CACNA1C: variants seen among roughly 807,000 people sequenced by gnomAD.
The protein encoded by CACNA1C is voltage-dependent L-type calcium channel subunit alpha-1C.
In CACNA1C, 30 loss-of-function variants were observed where a neutral mutation model predicts 229.0. The observed-to-expected ratio is 0.13, with a 90% CI of 0.10 to 0.18. CACNA1C has a LOEUF of 0.18. Among genes scored for constraint, CACNA1C ranks in the 10% least tolerant of loss-of-function variants. The pLI, the probability that CACNA1C is intolerant of heterozygous loss-of-function variation, is 1.00. For synonymous variants in CACNA1C, 1,114 were observed against 1,132.5 expected (o/e 0.98, Z 0.33); for missense variants, 1,658 against 2,845.0 (o/e 0.58, Z 9.49).
chr12:2,219,547 C>G (rs1336596826), intron 3 of CACNA1C, among the ~76,000 whole-genome samples: 1 of 152,178 alleles, frequency 6.6e-6, no homozygotes, highest in Non-Finnish European at 1.5e-5. Flanking sequence ...GGGACTGTGC[C>G]ACTCTTTCGG....
chr12:2,297,597 T>G (rs2094169178), intron 3 of CACNA1C, among the ~76,000 whole-genome samples: 1 of 152,222 alleles, frequency 6.6e-6, no homozygotes, highest in African/African-American at 2.4e-5. Context: ...CCACCACTGC[T>G]GAGCCCCACA....
chr12:2,663,121 A>G (rs911675003), intron 34 of CACNA1C, among the ~76,000 whole-genome samples: 1 of 152,220 alleles, frequency 6.6e-6, no homozygotes, highest in Admixed American at 6.5e-5. Flanking sequence ...AGAGGAAAAA[A>G]CTATAAATTT....
At chr12:2,350,602 G>A (rs2097176692) in intron 3 of CACNA1C, among the ~76,000 whole-genome samples, 1 of 152,212 alleles carries the variant, frequency 6.6e-6, no homozygotes, top group South Asian at 2.1e-4. Context: ...CGGGGCCATT[G>A]ATGCCCATGA....
chr12:2,141,020 C>T (rs925548238), intron 3 of CACNA1C, among the ~76,000 whole-genome samples: 1 of 150,944 alleles, frequency 6.6e-6, no homozygotes, highest in South Asian at 2.1e-4. Flanking sequence ...GGCACTGGGG[C>T]TGAGAGGTGG....
chr12:2,097,364 T>C (rs1014015535), intron 1 of CACNA1C, among the ~76,000 whole-genome samples: 4 of 152,004 alleles, frequency 2.6e-5, no homozygotes, highest in Non-Finnish European at 4.4e-5. Context: ...GCCAGGATAG[T>C]CTCGATCTCC....
chr12:2,570,849 G>T (rs900125850), intron 13 of CACNA1C, among the ~76,000 whole-genome samples: 1 of 152,178 alleles, frequency 6.6e-6, no homozygotes, highest in African/African-American at 2.4e-5. Flanking sequence ...AGACACCCAC[G>T]ATTAAAATCC....
chr12:2,531,715 C>T (rs1020920312), intron 9 of CACNA1C, among the ~76,000 whole-genome samples: 3 of 152,294 alleles, frequency 2.0e-5, no homozygotes, highest in Non-Finnish European at 2.9e-5. Context: ...ACTCTTTCCT[C>T]GGGGCCCACG....
rs786205741 is a variant in CACNA1C, at chr12:2,688,591, G to A, written c.5929G>A (p.Val1977Ile). The A allele has an allele frequency of 1.5e-5, 25 of 1,613,888 alleles. No homozygotes were observed. Among genetic ancestry groups the A allele is most frequent in the Non-Finnish European group, 2.0e-5 (24 of 1,179,914 alleles). ...CGTCCCCACCCTGCGGCTTGAGGGG[G>A]TCGAGTCCAGTGAGAAACTCAACAG... ...QPVPTLRLEG[V>I]ESSEKLNSSF... The change falls in exon 46 of 47, where the codon GTC becomes ATC. Residue 1977 changes from valine (V) to isoleucine (I), a missense_variant. By Grantham distance (29) the Val-to-Ile change is conservative. This residue lies in a region of CACNA1C where 590 missense variants were observed against 700.8 expected (regional missense o/e 0.84). Transcript: ENST00000399655.
chr12:2,201,762 G>A lies in CACNA1C; in HGVS notation c.477+81332G>A, dbSNP rs575848402. 2.6e-5 allele frequency among the ~76,000 whole-genome samples: 4 copies of A among 152,344 alleles called. No individual in the cohort carries two copies. The East Asian group carries it at 7.7e-4, about 29-fold the overall frequency. Reference sequence around the variant, plus strand: ...GAACAGGAAAGCGTGTCTTCCTTGAGTGAGGAACCCTCTCCAAGAACCCTC... The same window carrying A: ...GAACAGGAAAGCGTGTCTTCCTTGAATGAGGAACCCTCTCCAAGAACCCTC... On this transcript the variant is annotated intron_variant, in intron 3 of 46. Transcript: ENST00000399655.
chr12:2,640,405 C>T (rs2093525430), intron 30 of CACNA1C, among the ~76,000 whole-genome samples: 2 of 152,238 alleles, frequency 1.3e-5, no homozygotes, highest in East Asian at 3.9e-4. Context: ...CTTGACTTCT[C>T]TGTGTCGGTT....
intron 13 of CACNA1C, among the ~76,000 whole-genome samples, chr12:2,568,473 C>A (rs1482090973): frequency 6.6e-6 from 1 of 152,042 alleles, no homozygotes; most frequent in Admixed American, 6.5e-5. Context: ...GGTATATGCC[C>A]AAAATAATTG....
chr12:2,329,248 CT>C, intron 3 of CACNA1C, among the ~76,000 whole-genome samples: 1 of 152,156 alleles, frequency 6.6e-6, no homozygotes, highest in East Asian at 1.9e-4. Context: ...CTGTATGTAA[CT>C]TTGGAATGGT....
rs375602020 is a variant in CACNA1C, at chr12:2,449,445, C to A, written c.617+330C>A. On this transcript the variant is annotated intron_variant, in intron 4 of 46. Transcript: ENST00000399655. ...GGTTCCACCCTAGTGTGCACTCCTCCCAGTGCGCAGGCTGGCTGGAGTTTC... is the reference window on the plus strand; with the variant it reads ...GGTTCCACCCTAGTGTGCACTCCTCACAGTGCGCAGGCTGGCTGGAGTTTC... 3.3e-5 allele frequency among the ~76,000 whole-genome samples: 5 copies of A among 152,326 alleles called. No homozygotes were observed. The East Asian group carries it at 7.7e-4, about 24-fold the overall frequency.
chr12:2,363,664 C>G (rs1326443261), intron 3 of CACNA1C, among the ~76,000 whole-genome samples: 2 of 151,918 alleles, frequency 1.3e-5, no homozygotes, highest in Non-Finnish European at 2.9e-5. Context: ...TGAAGGTGAT[C>G]TCTGTATAAG....
chr12:2,391,220 T>A (rs752758389), intron 3 of CACNA1C, among the ~76,000 whole-genome samples: 1 of 152,160 alleles, frequency 6.6e-6, no homozygotes, highest in Admixed American at 6.5e-5. Context: ...ATTTGGGGCA[T>A]GTTTGGGTGT....
chr12:2,238,258 G>T (rs1182305317), intron 3 of CACNA1C, among the ~76,000 whole-genome samples: 1 of 152,200 alleles, frequency 6.6e-6, no homozygotes, highest in Non-Finnish European at 1.5e-5. Flanking sequence ...GGAGTGACGA[G>T]GTAACTAGGT....
In CACNA1C at chr12:2,504,432, C is replaced by G; in HGVS notation, c.1114-410C>G. Reference sequence around the variant, plus strand: ...TCTTTCCTAACTTTCCTTCGTCTTTCCAGATGCAGGACGCTATGGGCTATG... The same window carrying G: ...TCTTTCCTAACTTTCCTTCGTCTTTGCAGATGCAGGACGCTATGGGCTATG... On this transcript the variant is annotated intron_variant, in intron 7 of 46. Coordinates refer to ENST00000399655, the MANE Select transcript of CACNA1C (RefSeq NM_000719.7). The surrounding 1 kb of genome is among the most constrained non-coding windows in gnomAD (Gnocchi z 6.8). The G allele has an allele frequency of 1.3e-6, 2 of 1,550,166 alleles. No individual in the cohort carries two copies. Among genetic ancestry groups the G allele is most frequent in the Non-Finnish European group, 1.8e-6 (2 of 1,122,718 alleles).
chr12:2,400,186 G>A (rs758958371), intron 3 of CACNA1C, among the ~76,000 whole-genome samples: 1 of 152,132 alleles, frequency 6.6e-6, no homozygotes, highest in Non-Finnish European at 1.5e-5. Context: ...ACTGAGGCTC[G>A]GGAAAGTTAA....
chr12:2,139,851 A>G (rs770070056), intron 3 of CACNA1C, among the ~76,000 whole-genome samples: 1 of 151,280 alleles, frequency 6.6e-6, no homozygotes, highest in African/African-American at 2.4e-5. Context: ...CGCTCCCAGG[A>G]CACAGCGGGC....
Sources: allele counts gnomAD v4.1 joint callset (sites outside exome capture counted in the v4.1 genomes callset), GRCh38; gene constraint gnomAD v4.1.1; regional missense constraint gnomAD v4.1.1; non-coding constraint Gnocchi (gnomAD v3.1); transcripts MANE v1.5; gene names NCBI Gene and HGNC (gene_info 2026-07-23, HGNC 2026-07-21).